The following VMP1 variants were observed in gnomAD, a reference collection of about 807,000 sequenced individuals.
VMP1 encodes the protein vacuole membrane protein 1.
A neutral mutation model predicts 56.0 loss-of-function variants in VMP1; 11 were observed. That is an observed-to-expected ratio of 0.20 (90% CI 0.12 to 0.32). The LOEUF (loss-of-function observed/expected upper bound fraction) is 0.32. Among genes scored for constraint, VMP1 ranks in the 10% least tolerant of loss-of-function variants. The pLI, the probability that VMP1 is intolerant of heterozygous loss-of-function variation, is 1.00. For missense variants in VMP1, 296 were observed against 490.3 expected (o/e 0.60, Z 3.74); for synonymous variants, 149 against 165.0 (o/e 0.90, Z 0.74).
intron 10 of VMP1, among the ~76,000 whole-genome samples, chr17:59,834,444 G>A (rs995541448): frequency 6.6e-6 from 1 of 151,688 alleles, no homozygotes; most frequent in African/African-American, 2.4e-5. Context: ...TTGTTTTTTG[G>A]GGGGGTTTTT....
In VMP1 at chr17:59,772,950, C is replaced by CTTTTTTTTTT. The variant is rs1179269248; in HGVS notation, c.583-783_583-774dup. ...TATCTAACACATATACTGGTGAATTCTTTTTTTTTTTTTTTTTTTTTTTTT... is the reference window on the plus strand; with the variant it reads ...TATCTAACACATATACTGGTGAATTCTTTTTTTTTTTTTTTTTTTTTTTTTTTTTTTTTTT... On this transcript the variant is annotated intron_variant, in intron 6 of 11. Transcript: ENST00000262291. Among the ~76,000 whole-genome samples, 32 of 55,718 alleles carry CTTTTTTTTTT rather than the reference C, an allele frequency of 5.7e-4. 6 individuals are homozygous for CTTTTTTTTTT. The highest frequency in any genetic ancestry group is 1.6e-3 in the African/African-American group (21 of 12,784). 36.6% of individuals were successfully genotyped at this position (55,718 alleles called of 152,430 possible).
chr17:59,831,653 G>A (rs553010855), intron 10 of VMP1, among the ~76,000 whole-genome samples: 3 of 139,382 alleles, frequency 2.2e-5, no homozygotes, highest in Non-Finnish European at 3.0e-5. Context: ...AGCTTGCCAA[G>A]AAGTTTGTCT....
At chr17:59,828,433 T>A (rs1051631788) in intron 10 of VMP1, among the ~76,000 whole-genome samples, 3 of 152,230 alleles carry the variant, frequency 2.0e-5, no homozygotes, top group African/African-American at 7.2e-5. Flanking sequence ...TGGTCTTCCT[T>A]CTACACAGCC....
intron 10 of VMP1, among the ~76,000 whole-genome samples, chr17:59,831,612 ATTTTT>A (rs34016289): frequency 7.5e-6 from 1 of 132,916 alleles, no homozygotes. Context: ...TTTTGAATGG[ATTTTT>A]TTTTTTTTTT....
At chr17:59,817,843 G>T in intron 10 of VMP1, 70 bp downstream of exon 10, 2 of 1,213,658 alleles carry the variant, frequency 1.6e-6, no homozygotes, top group Admixed American at 2.6e-5. Flanking sequence ...GTACAAGACT[G>T]AATTGAAATA....
chr17:59,789,721 A>G (rs573934109), intron 7 of VMP1, among the ~76,000 whole-genome samples: 4 of 150,692 alleles, frequency 2.7e-5, no homozygotes, highest in South Asian at 2.1e-4. Flanking sequence ...TTCATTTCCT[A>G]TTGCAAAGGT....
At chr17:59,737,034 CA>C (rs930163946) in intron 3 of VMP1, among the ~76,000 whole-genome samples, 5 of 148,932 alleles carry the variant, frequency 3.4e-5, no homozygotes, top group African/African-American at 1.2e-4. Context: ...GACTCCATCT[CA>C]AAAAAAAATA....
At chr17:59,802,406 C>T (rs373871705) in intron 7 of VMP1, among the ~76,000 whole-genome samples, 9 of 151,570 alleles carry the variant, frequency 5.9e-5, no homozygotes, top group South Asian at 2.1e-4. Context: ...GATGTTCACA[C>T]GACAATGAAA....
chr17:59,783,764 C>A (rs1392080632), intron 7 of VMP1, among the ~76,000 whole-genome samples: 1 of 152,120 alleles, frequency 6.6e-6, no homozygotes, highest in African/African-American at 2.4e-5. Flanking sequence ...TCCCTTCCCG[C>A]TACTGTTTCA....
intron 5 of VMP1, among the ~76,000 whole-genome samples, chr17:59,751,344 G>A (rs1283091489): frequency 6.6e-6 from 1 of 152,136 alleles, no homozygotes; most frequent in Non-Finnish European, 1.5e-5. Flanking sequence ...TATATCCAGA[G>A]TAAGAATAGT....
At position 59,838,314 on chromosome 17, in the gene VMP1, C is replaced by G; in HGVS notation, c.994C>G (p.Pro332Ala). The G allele has an allele frequency of 6.2e-7, 1 of 1,614,054 alleles. No individual in the cohort carries two copies. The highest frequency in any genetic ancestry group is 8.5e-7 in the Non-Finnish European group (1 of 1,180,000). The part of the protein sequence containing the change: ...AFIGAVPGIG[P>A]SLQKPFQEYL... Reference sequence around the variant, plus strand: ...TTCCAGTGCTGTCCCCGGCATAGGTCCATCTCTGCAGAAGCCATTTCAGGA... The same window carrying G: ...TTCCAGTGCTGTCCCCGGCATAGGTGCATCTCTGCAGAAGCCATTTCAGGA... Residue 332 changes from proline (P) to alanine (A), a missense_variant, in exon 11 of 12, where the codon CCA becomes GCA. By Grantham distance (27) the Pro-to-Ala change is conservative. This residue lies in a region of VMP1 where 95 missense variants were observed against 137.6 expected (regional missense o/e 0.69). Coordinates refer to ENST00000262291, the MANE Select transcript of VMP1 (RefSeq NM_030938.5).
intron 5 of VMP1, among the ~76,000 whole-genome samples, chr17:59,756,334 A>G (rs114012303): frequency 0.017 from 2,530 of 152,266 alleles, 60 homozygotes; most frequent in African/African-American, 0.057. Context: ...TTGTTTATTT[A>G]TCACCCAGAT....
chr17:59,738,961 T>G lies in VMP1; in HGVS notation c.414+14T>G. ...CTGCTTTATCTGGTAAGAATAATTT[T>G]ATTTTAATAAGCAAAAATGATATTT... is the stretch of plus-strand genomic sequence containing the variant. On this transcript the variant is annotated intron_variant, in intron 5 of 11. Transcript: ENST00000262291. 2 of 1,545,814 alleles carry G rather than the reference T, an allele frequency of 1.3e-6. No individual in the cohort carries two copies. The highest frequency in any genetic ancestry group is 1.7e-6 in the Non-Finnish European group (2 of 1,145,918).
intron 5 of VMP1, among the ~76,000 whole-genome samples, chr17:59,745,078 T>G (rs1358609343): frequency 6.6e-6 from 1 of 152,150 alleles, no homozygotes; most frequent in Non-Finnish European, 1.5e-5. Flanking sequence ...TTGGTGGCCA[T>G]TTTGTGGTAC....
intron 10 of VMP1, among the ~76,000 whole-genome samples, chr17:59,827,308 G>GT (rs886280817): frequency 2.7e-5 from 4 of 150,452 alleles, no homozygotes; most frequent in African/African-American, 4.9e-5. Context: ...CACTTTTTTG[G>GT]TTTTTTTGTT....
chr17:59,769,481 C>A (rs1407410542), intron 6 of VMP1, among the ~76,000 whole-genome samples: 2 of 152,076 alleles, frequency 1.3e-5, no homozygotes, highest in African/African-American at 4.8e-5. Flanking sequence ...TTTTTCCCTA[C>A]CTCACCTGAC....
intron 7 of VMP1, among the ~76,000 whole-genome samples, chr17:59,784,584 T>G (rs2036943190): frequency 1.3e-5 from 2 of 152,222 alleles, no homozygotes; most frequent in South Asian, 4.1e-4. Flanking sequence ...TTAAAAATGT[T>G]TGTATTTTCA....
chr17:59,789,657 T>C (rs1363287717), intron 7 of VMP1, among the ~76,000 whole-genome samples: 1 of 152,120 alleles, frequency 6.6e-6, no homozygotes, highest in African/African-American at 2.4e-5. Context: ...CTGAGTGCTT[T>C]GAGGGGTACA....
intron 1 of VMP1, among the ~76,000 whole-genome samples, chr17:59,708,412 A>C (rs1158366636): frequency 6.6e-6 from 1 of 152,230 alleles, no homozygotes; most frequent in Admixed American, 6.5e-5. Flanking sequence ...CTTAATCTCT[A>C]AAATTCCAGA....
Sources: allele counts gnomAD v4.1 joint callset (sites outside exome capture counted in the v4.1 genomes callset), GRCh38; gene constraint gnomAD v4.1.1; regional missense constraint gnomAD v4.1.1; transcripts MANE v1.5; gene names NCBI Gene and HGNC (gene_info 2026-07-23, HGNC 2026-07-21).